The following PDE5A variants were observed in gnomAD, a reference collection of about 807,000 sequenced individuals.
The protein encoded by PDE5A is cGMP-specific 3',5'-cyclic phosphodiesterase.
In PDE5A, 67 loss-of-function variants were observed where a neutral mutation model predicts 110.2. The observed-to-expected ratio is 0.61, with a 90% CI of 0.50 to 0.75. The LOEUF (loss-of-function observed/expected upper bound fraction) is 0.75. PDE5A is among the 30% of genes least tolerant of loss of function. The probability of loss-of-function intolerance (pLI) is 0.00; values close to 1 mark genes in which losing one functional copy is unlikely to be tolerated. For missense variants in PDE5A, 862 were observed against 1,045.1 expected (o/e 0.82, Z 2.42); for synonymous variants, 328 against 351.2 (o/e 0.93, Z 0.74).
At chr4:119,626,216 G>C (rs1385622693) in intron 1 of PDE5A, among the ~76,000 whole-genome samples, 2 of 152,150 alleles carry the variant, frequency 1.3e-5, no homozygotes, top group Admixed American at 1.3e-4. Context: ...TGGTAAATTT[G>C]AGAAATAGGA....
intron 15 of PDE5A, among the ~76,000 whole-genome samples, chr4:119,508,198 A>G (rs970461439): frequency 6.6e-6 from 1 of 151,998 alleles, no homozygotes; most frequent in Non-Finnish European, 1.5e-5. Context: ...GAACATCTTA[A>G]TATAGATGGG....
At chr4:119,518,382 T>C (rs1173268140) in intron 14 of PDE5A, among the ~76,000 whole-genome samples, 1 of 152,210 alleles carries the variant, frequency 6.6e-6, no homozygotes, top group Non-Finnish European at 1.5e-5. Flanking sequence ...TAAGTATGGC[T>C]CTTAAAGGAG....
chr4:119,598,354 T>G (rs999862038), intron 2 of PDE5A, among the ~76,000 whole-genome samples: 1 of 152,192 alleles, frequency 6.6e-6, no homozygotes, highest in African/African-American at 2.4e-5. Flanking sequence ...AAATTTCATT[T>G]GAGGTGAAGT....
Position 119,607,254 on chromosome 4 carries a change from G to T in PDE5A, c.196C>A (p.Pro66Thr). 4 of 1,613,280 alleles carry T rather than the reference G, an allele frequency of 2.5e-6. No individual in the cohort carries two copies. The highest frequency in any genetic ancestry group is 3.4e-6 in the Non-Finnish European group (4 of 1,179,944). The change falls in exon 2 of 21, where the codon CCT (proline) becomes ACT (threonine). Residue 66 changes from proline (P) to threonine (T), a missense_variant. By Grantham distance (38) the Pro-to-Thr change is conservative. Coordinates refer to ENST00000354960, the MANE Select transcript of PDE5A (RefSeq NM_001083.4). The part of the protein sequence containing the change: ...AWFAERVHTI[P>T]VCKEGIRGHT... Reference sequence around the variant, plus strand: ...CCTCTGATACCTTCCTTGCACACAGGGATGGTGTGAACTCTCTCAGCAAAC... The same window carrying T: ...CCTCTGATACCTTCCTTGCACACAGTGATGGTGTGAACTCTCTCAGCAAAC...
At chr4:119,505,288 T>A (rs1465028524) in intron 17 of PDE5A, among the ~76,000 whole-genome samples, 1 of 151,968 alleles carries the variant, frequency 6.6e-6, no homozygotes, top group Non-Finnish European at 1.5e-5. Context: ...CATTTGGTTA[T>A]CCACTTATCT....
chr4:119,524,188 C>T (rs1419751736), intron 12 of PDE5A, among the ~76,000 whole-genome samples: 2 of 152,030 alleles, frequency 1.3e-5, no homozygotes, highest in African/African-American at 2.4e-5. Context: ...AATACCATTA[C>T]CCCTAATAAC....
chr4:119,608,891 G>A (rs1729636430), intron 1 of PDE5A, among the ~76,000 whole-genome samples: 1 of 152,194 alleles, frequency 6.6e-6, no homozygotes, highest in Non-Finnish European at 1.5e-5. Flanking sequence ...GCCAGGCGCG[G>A]TGGCTCACGC....
rs1423303322 is a variant in PDE5A at position 119,545,033 on chromosome 4, AG to A, written c.1397-2400del. 5.9e-5 allele frequency among the ~76,000 whole-genome samples: 9 copies of A among 152,252 alleles called. No individual in the cohort carries two copies. The South Asian group carries it at 1.9e-3, about 32-fold the overall frequency. On this transcript the variant is annotated intron_variant, in intron 9 of 20. Transcript: ENST00000354960. ...CTCTGGGGAAAACAACAACAACAAC[AG>A]CAACAAAAATGGGTACTGAAGACAA...
At chr4:119,581,012 C>T (rs1016757880) in intron 3 of PDE5A, among the ~76,000 whole-genome samples, 16 of 152,250 alleles carry the variant, frequency 1.1e-4, no homozygotes, top group Admixed American at 4.6e-4. Context: ...AGGCTTACCC[C>T]GGACGGTGTT....
Position 119,519,038 on chromosome 4 carries a change from G to C in PDE5A, c.2000+7C>G, listed in dbSNP as rs1277480025. On this transcript the variant is annotated splice_region_variant and intron_variant, in intron 14 of 20. Transcript: ENST00000354960. The stretch of plus-strand genomic sequence containing the variant: ...AACATTTTCTTGCTTTACTGGGAAA[G>C]TCTTACCGCTGTATGTAAGAGTTAT... 8 of 1,594,164 alleles carry C rather than the reference G, an allele frequency of 5.0e-6. No individual in the cohort carries two copies. The highest frequency in any genetic ancestry group is 6.9e-6 in the Non-Finnish European group (8 of 1,162,170).
chr4:119,575,904 G>A (rs996915947), intron 3 of PDE5A, among the ~76,000 whole-genome samples: 4 of 152,172 alleles, frequency 2.6e-5, no homozygotes, highest in African/African-American at 9.7e-5. Context: ...ATTGGATAAA[G>A]AGTCAAGACC....
In PDE5A at chr4:119,627,279, T is replaced by C; in HGVS notation, c.152+1241A>G. On this transcript the variant is annotated intron_variant, in intron 1 of 20. Transcript: ENST00000354960. This position sits in a 1 kb window ranked among gnomAD's most constrained non-coding sequence, Gnocchi z 4.6. ...GGTGAGGTGAGGTGAGGTCGGCGAC[T>C]CAGAACCAGCTCCCTCACGGCCCCG... 6.5e-7 allele frequency: 1 copy of C among 1,527,692 alleles called. No homozygotes were observed. Among genetic ancestry groups the C allele is most frequent in the Non-Finnish European group, 8.8e-7 (1 of 1,132,800 alleles). The allele number at this position is 1,527,692 out of a possible 1,614,324, so 94.6% of individuals were successfully genotyped here.
At chr4:119,597,124 CA>C (rs1729179989) in intron 2 of PDE5A, among the ~76,000 whole-genome samples, 2 of 152,194 alleles carry the variant, frequency 1.3e-5, no homozygotes, top group South Asian at 4.1e-4. Context: ...AGATTGTAAA[CA>C]ATCCTTTAAT....
At chr4:119,602,004 C>A (rs1729363469) in intron 2 of PDE5A, among the ~76,000 whole-genome samples, 1 of 152,018 alleles carries the variant, frequency 6.6e-6, no homozygotes, top group South Asian at 2.1e-4. Flanking sequence ...CAACTATGTG[C>A]AATATGGGAT....
At chr4:119,532,595 A>G (rs771894751) in intron 11 of PDE5A, among the ~76,000 whole-genome samples, 5 of 152,114 alleles carry the variant, frequency 3.3e-5, no homozygotes, top group African/African-American at 2.4e-5. Context: ...ATAGAGAAGA[A>G]ACTTTATAGA....
Position 119,556,506 on chromosome 4 carries a change from C to A in PDE5A, c.1200-2760G>T, listed in dbSNP as rs151192098. Among the ~76,000 whole-genome samples the A allele has an allele frequency of 2.6e-3, 401 of 152,300 alleles. 1 individual carries two copies. Among genetic ancestry groups the A allele is most frequent in the African/African-American group, 9.3e-3 (386 of 41,546 alleles). Reference sequence around the variant, plus strand: ...TACAGCACCGAGCCTGAGCTGGCTACCTCTGGGCTTTTACAGGAGAGAGTA... The same window carrying A: ...TACAGCACCGAGCCTGAGCTGGCTAACTCTGGGCTTTTACAGGAGAGAGTA... On this transcript the variant is annotated intron_variant, in intron 7 of 20. Transcript: ENST00000354960.
chr4:119,539,124 A>G, intron 10 of PDE5A, 105 bp from the exon 11 acceptor site: 1 of 840,374 alleles, frequency 1.2e-6, no homozygotes. Flanking sequence ...AGAGATAATT[A>G]GACTCCTCAG....
At chr4:119,502,247 G>A (rs944878420) in intron 19 of PDE5A, 9 of 183,476 alleles carry the variant, frequency 4.9e-5, no homozygotes, top group Middle Eastern at 2.5e-3. Flanking sequence ...ACCAAGGGAC[G>A]TAGGTAAATT....
chr4:119,514,196 T>C (rs537088645), intron 14 of PDE5A, among the ~76,000 whole-genome samples: 8 of 152,296 alleles, frequency 5.3e-5, no homozygotes, highest in Admixed American at 2.6e-4. Flanking sequence ...TCTCTGACAG[T>C]AGTATTAGGA....
Sources: gnomAD v4.1 joint callset for allele counts (sites outside exome capture counted in the v4.1 genomes callset) on GRCh38, gnomAD v4.1.1 for gene constraint, Gnocchi (gnomAD v3.1) non-coding constraint, MANE v1.5 for transcripts, NCBI Gene and HGNC (gene_info 2026-07-23, HGNC 2026-07-21) for gene names.